Variants in DNAJC9 observed in about 807,000 individuals in gnomAD.
The protein encoded by DNAJC9 is dnaJ homolog subfamily C member 9.
In DNAJC9, 18 loss-of-function variants were observed where a neutral mutation model predicts 32.4. The ratio of observed to expected loss-of-function variants is 0.56; its 90% CI spans 0.38 to 0.82. The LOEUF is 0.82. Ranked by LOEUF, DNAJC9 falls within the 40% of genes least tolerant of loss-of-function variation. DNAJC9 has a pLI of 0.00. For synonymous variants in DNAJC9, 113 were observed against 122.1 expected, an observed-to-expected ratio of 0.93 and a Z score of 0.49; for missense variants, 310 against 321.8, an observed-to-expected ratio of 0.96 and a Z score of 0.28.
At chr10:73,244,530 TG>T (rs2043986301) in intron 3 of DNAJC9, 2 of 148,680 alleles carry the variant, frequency 1.3e-5, no homozygotes, top group African/African-American at 4.9e-5. Context: ...AGGCAAATGA[TG>T]CAATTGCCAG....
At chr10:73,237,826 T>C (rs1031585380), downstream of DNAJC9, among the ~76,000 whole-genome samples, 2 of 152,084 alleles carry the variant, frequency 1.3e-5, no homozygotes, top group Admixed American at 6.5e-5. Context: ...TGGGCTCAAG[T>C]GATCCTCCCA....
chr10:73,238,970 A>G (rs2043884349), downstream of DNAJC9: 1 of 175,368 alleles, frequency 5.7e-6, no homozygotes, highest in South Asian at 1.9e-4. Flanking sequence ...GAAAGCATTC[A>G]TTTAAAATAT....
At chr10:73,236,502 C>T (rs2048829619), downstream of DNAJC9, among the ~76,000 whole-genome samples, 1 of 151,474 alleles carries the variant, frequency 6.6e-6, no homozygotes, top group Non-Finnish European at 1.5e-5. Flanking sequence ...CAACCTCTGC[C>T]TACTGGGTTC....
chr10:73,235,201 T>C (rs150205970), downstream of DNAJC9: 397 of 1,551,680 alleles, frequency 2.6e-4, 2 homozygotes, highest in East Asian at 8.8e-3. Context: ...AGAAACCCCA[T>C]GGCGACTCTA....
chr10:73,246,737 A>G lies in DNAJC9; in HGVS notation c.272T>C (p.Leu91Pro). The change falls in exon 2 of 5, where the codon CTC (leucine) becomes CCC (proline). Residue 91 changes from leucine (L) to proline (P), a missense_variant. By Grantham distance (98) the Leu-to-Pro change is moderately conservative (BLOSUM62 -3). Transcript: ENST00000372950. ...QGTVDEDSPV[L>P]TQDRDWEAYW... ...CGCCTCCCAGTCTCGGTCTTGGGTG[A>G]GCACAGGAGAGTCCTCGTCCACTGT... 6.2e-7 allele frequency: 1 copy of G among 1,614,094 alleles called. No homozygotes were observed. The highest frequency in any genetic ancestry group is 8.5e-7 in the Non-Finnish European group (1 of 1,179,946).
chr10:73,243,719 A>G, intron 4 of DNAJC9, 124 bp downstream of exon 4: 1 of 1,119,788 alleles, frequency 8.9e-7, no homozygotes, highest in Non-Finnish European at 1.3e-6. Flanking sequence ...GTACACTTTA[A>G]AAGGACAAAT....
chr10:73,246,857 C>T, intron 1 of DNAJC9, 29 bp from the exon 2 acceptor site: 1 of 1,611,512 alleles, frequency 6.2e-7, no homozygotes, highest in Non-Finnish European at 8.5e-7. Context: ...CGTAAATCAC[C>T]CCTGCTCCTC....
In DNAJC9 at chr10:73,246,754, G is replaced by T. The variant is rs749334846; in HGVS notation, c.255C>A (p.Asp85Glu). 1 of 1,613,952 alleles carries T rather than the reference G, an allele frequency of 6.2e-7. No homozygotes were observed. The highest frequency in any genetic ancestry group is 1.3e-5 in the African/African-American group (1 of 74,898). The part of the protein sequence containing the change: ...RAVYDEQGTV[D>E]EDSPVLTQDR... ...CTTGGGTGAGCACAGGAGAGTCCTC[G>T]TCCACTGTTCCCTGCTCATCGTACA... The change falls in exon 2 of 5, where the codon GAC becomes GAA. Residue 85 changes from aspartate to glutamate, a missense_variant. By Grantham distance (45) the Asp-to-Glu change is conservative. Transcript: ENST00000372950.
At chr10:73,233,807 T>C (rs186424892), downstream of DNAJC9, among the ~76,000 whole-genome samples, 65 of 152,324 alleles carry the variant, frequency 4.3e-4, 1 homozygote, top group Admixed American at 1.6e-3. Flanking sequence ...TGGGAACATA[T>C]TCAGTGAAAT....
In DNAJC9 at chr10:73,242,111, T is replaced by C. The variant is rs903043592; in HGVS notation, c.*1289A>G. The C allele has an allele frequency of 6.6e-6, 1 of 152,238 alleles. No homozygotes were observed. Among genetic ancestry groups the C allele is most frequent in the African/African-American group, 2.4e-5 (1 of 41,470 alleles). The allele number at this position is 152,238 out of a possible 1,614,324, so 9.4% of individuals were successfully genotyped here. A position where few individuals can be genotyped will look rare whatever the true frequency, so the allele number is the denominator to read the frequency against. ...ACCAAGGTGTTCTAATGCCATCATA[T>C]GAAGACAGATGCTTCAAACAACCTG... is the stretch of plus-strand genomic sequence containing the variant. On this transcript the variant is annotated 3_prime_UTR_variant, in exon 5 of 5. Coordinates refer to ENST00000372950, the MANE Select transcript of DNAJC9 (RefSeq NM_015190.5).
In DNAJC9 at chr10:73,246,186, AAGG is replaced by A. The variant is rs1323907431; in HGVS notation, c.322-13_322-11del. 11 of 1,591,978 alleles carry A rather than the reference AAGG, an allele frequency of 6.9e-6. No individual in the cohort carries two copies. Among genetic ancestry groups the A allele is most frequent in the Non-Finnish European group, 8.5e-6 (10 of 1,175,016 alleles). On this transcript the variant is annotated splice_polypyrimidine_tract_variant and intron_variant, in intron 2 of 4. Transcript: ENST00000372950. The stretch of plus-strand genomic sequence containing the variant: ...TGTCCTCTAAAGATATCTGATGATA[AAGG>A]AGATTTGCTTTAACTTTGGGAATTT...
At chr10:73,245,787 T>C (rs1804260103) in intron 3 of DNAJC9, 135 bp downstream of exon 3, 6 of 1,080,946 alleles carry the variant, frequency 5.6e-6, no homozygotes, top group Middle Eastern at 2.1e-4. Context: ...GCCCATTTTA[T>C]TAGATCGAAA....
downstream of DNAJC9, among the ~76,000 whole-genome samples, chr10:73,240,516 T>G (rs558006667): frequency 2.6e-4 from 39 of 152,174 alleles, no homozygotes; most frequent in South Asian, 1.0e-3. Context: ...ATTGAGACCA[T>G]CCTGGCTAAC....
At position 73,247,191 on chromosome 10, in the gene DNAJC9, C is replaced by G; in HGVS notation, c.-2G>C. The G allele has an allele frequency of 3.1e-6, 5 of 1,588,304 alleles. No individual in the cohort carries two copies. The highest frequency in any genetic ancestry group is 1.3e-5 in the African/African-American group (1 of 74,202). Reference sequence around the variant, plus strand: ...CTCGCAAAGGTCCAGCAGCCCCATGCCGGGCGGAGATACGACCCCGGAGGA... The same window carrying G: ...CTCGCAAAGGTCCAGCAGCCCCATGGCGGGCGGAGATACGACCCCGGAGGA... On this transcript the variant is annotated 5_prime_UTR_variant, in exon 1 of 5. Transcript: ENST00000372950.
At position 73,246,170 on chromosome 10, in the gene DNAJC9, A is replaced by G; in HGVS notation, c.328T>C (p.Leu110=). The G allele has an allele frequency of 6.2e-7, 1 of 1,601,500 alleles. No individual in the cohort carries two copies. Among genetic ancestry groups the G allele is most frequent in the Non-Finnish European group, 8.5e-7 (1 of 1,177,132 alleles). Reference sequence around the variant, plus strand: ...TTTTCAAAAGCTTGAATGTCCTCTAAAGATATCTGATGATAAAGGAGATTT... The same window carrying G: ...TTTTCAAAAGCTTGAATGTCCTCTAGAGATATCTGATGATAAAGGAGATTT... ...YWRLLFKKIS[L]EDIQAFEKTY... The change falls in exon 3 of 5, where the codon TTA becomes CTA. Residue 110 remains leucine, a synonymous_variant. Transcript: ENST00000372950.
chr10:73,236,474 C>T (rs182988583), downstream of DNAJC9, among the ~76,000 whole-genome samples: 666 of 145,416 alleles, frequency 4.6e-3, 1 homozygote, highest in African/African-American at 9.1e-3. Flanking sequence ...AGTGTAATGG[C>T]GCAATCTCAG....
At chr10:73,235,407 C>G (rs1589195669), downstream of DNAJC9, 9 of 1,524,954 alleles carry the variant, frequency 5.9e-6, no homozygotes, top group Non-Finnish European at 7.9e-6. Flanking sequence ...AAGATTTTAT[C>G]TAGAGGCTTA....
At chr10:73,240,713 C>T (rs74374786), downstream of DNAJC9, among the ~76,000 whole-genome samples, 1 of 146,198 alleles carries the variant, frequency 6.8e-6, no homozygotes, top group African/African-American at 2.6e-5. Flanking sequence ...GACTCCACCT[C>T]CAAAAAAAAA....
In DNAJC9 at chr10:73,242,195, A is replaced by C. The variant is rs2043962509; in HGVS notation, c.*1205T>G. ...ATTTTTAACCTATTTGTAGTCACAA[A>C]CCGAAAACGTGTCGTCTTTACCTTA... On this transcript the variant is annotated 3_prime_UTR_variant, in exon 5 of 5. Coordinates refer to ENST00000372950, the MANE Select transcript of DNAJC9 (RefSeq NM_015190.5). 1 of 152,270 alleles carries C rather than the reference A, an allele frequency of 6.6e-6. No homozygotes were observed. The highest frequency in any genetic ancestry group is 2.4e-5 in the African/African-American group (1 of 41,542). 9.4% of individuals were successfully genotyped at this position (152,270 alleles called of 1,614,324 possible).
Sources: gnomAD v4.1 joint callset for allele counts (sites outside exome capture counted in the v4.1 genomes callset) on GRCh38, gnomAD v4.1.1 for gene constraint, MANE v1.5 for transcripts, NCBI Gene and HGNC (gene_info 2026-07-23, HGNC 2026-07-21) for gene names.